The following CEP63 variants were observed in gnomAD, a reference collection of about 807,000 sequenced individuals.
CEP63 encodes the protein centrosomal protein of 63 kDa.
A neutral mutation model predicts 89.1 loss-of-function variants in CEP63; 84 were observed. The ratio of observed to expected loss-of-function variants is 0.94; its 90% confidence interval spans 0.79 to 1.13. The LOEUF is 1.13. CEP63 is among the 50% of genes most tolerant of loss of function. The pLI is 0.00. For missense variants in CEP63, 838 were observed against 813.3 expected (o/e 1.03, Z -0.37); for synonymous variants, 267 against 272.5 (o/e 0.98, Z 0.20).
chr3:134,561,550 C>G lies in CEP63; in HGVS notation c.*15C>G. On this transcript the variant is annotated 3_prime_UTR_variant, in exon 15 of 15. Transcript: ENST00000675561. Reference sequence around the variant, plus strand: ...CCTTAAAGTAGCCTCTTAAAAAAATCACTATCTTGGAAATAAAAATAAACA... The same window carrying G: ...CCTTAAAGTAGCCTCTTAAAAAAATGACTATCTTGGAAATAAAAATAAACA... 2 of 1,607,160 alleles carry G rather than the reference C, an allele frequency of 1.2e-6. No individual in the cohort carries two copies. The highest frequency in any genetic ancestry group is 1.7e-6 in the Non-Finnish European group (2 of 1,175,858).
At chr3:134,735,282 CT>C in the CEP63 span, among the ~76,000 whole-genome samples, 28 of 151,988 alleles carry the variant, frequency 1.8e-4, 1 homozygote, top group Admixed American at 1.4e-3. Flanking sequence ...TTTGTTCTCC[CT>C]TTTTTTTGGA....
intron 1 of CEP63, among the ~76,000 whole-genome samples, chr3:134,490,385 G>A (rs755927183): frequency 3.3e-5 from 5 of 151,866 alleles, no homozygotes; most frequent in Non-Finnish European, 5.9e-5. Flanking sequence ...CAAGTTAACA[G>A]GCTATTTTAT....
At position 134,584,956 on chromosome 3, in the gene CEP63, G is replaced by GTTTTTTTTT. The variant is rs780691730; in HGVS notation, c.1207-2492_1207-2484dup. 1.8e-3 allele frequency among the ~76,000 whole-genome samples: 63 copies of GTTTTTTTTT among 35,998 alleles called. 3 individuals carry two copies. The highest frequency in any genetic ancestry group is 5.1e-3 in the Admixed American group (13 of 2,572). The allele number at this position is 35,998 out of a possible 152,430, so 23.6% of individuals were successfully genotyped here. ...ATCCATTTCTTCTAGATTTTCTAGG[G>GTTTTTTTTT]TTTTTTTTTTTTTTTTTTGCATGGA... On this transcript the variant is annotated intron_variant, in intron 10 of 10. Transcript: ENST00000683931.
At chr3:134,491,971 G>C (rs1937647824) in intron 1 of CEP63, among the ~76,000 whole-genome samples, 1 of 151,534 alleles carries the variant, frequency 6.6e-6, no homozygotes, top group Admixed American at 6.6e-5. Context: ...TCTGTAAAAT[G>C]ATAAAGTTAA....
In CEP63 at chr3:134,557,376, G is replaced by GTTTTTTTTTTTTTTTTTT. The variant is rs199930556; in HGVS notation, c.1468-755_1468-738dup. 1.3e-4 allele frequency among the ~76,000 whole-genome samples: 13 copies of GTTTTTTTTTTTTTTTTTT among 101,498 alleles called. 2 individuals carry two copies. Among genetic ancestry groups the GTTTTTTTTTTTTTTTTTT allele is most frequent in the African/African-American group, 5.4e-4 (11 of 20,316 alleles). 66.6% of individuals were successfully genotyped at this position (101,498 alleles called of 152,430 possible). A position where few individuals can be genotyped will look rare whatever the true frequency, so the allele number is the denominator to read the frequency against. On this transcript the variant is annotated intron_variant, in intron 12 of 14. Transcript: ENST00000675561. ...CTTGACCAGCTTACTTTCATAATTT[G>GTTTTTTTTTTTTTTTTTT]TTTTTTTTTTTTTTTTTTTTTTTTT...
At chr3:134,621,934 T>G in the CEP63 span, among the ~76,000 whole-genome samples, 2 of 152,090 alleles carry the variant, frequency 1.3e-5, no homozygotes, top group Admixed American at 6.5e-5. Context: ...AAAGAAGATA[T>G]ACAAATGGCC....
chr3:134,695,167 G>A, the CEP63 span, among the ~76,000 whole-genome samples: 1 of 152,146 alleles, frequency 6.6e-6, no homozygotes, highest in Non-Finnish European at 1.5e-5. Context: ...TCTGTGCTGC[G>A]GGTGTCATTG....
chr3:134,620,780 G>A, the CEP63 span: 204 of 1,613,704 alleles, frequency 1.3e-4, no homozygotes, highest in African/African-American at 1.7e-3. Context: ...TCCAGATGGC[G>A]CGGACCCTTT....
the CEP63 span, chr3:134,628,136 C>A: frequency 5.4e-6 from 2 of 368,128 alleles, no homozygotes; most frequent in Non-Finnish European, 1.0e-5. Context: ...GGTGTTCCTG[C>A]CCTCTTTTGG....
At chr3:134,556,241 A>C (rs1956138607) in intron 12 of CEP63, among the ~76,000 whole-genome samples, 1 of 151,964 alleles carries the variant, frequency 6.6e-6, no homozygotes, top group South Asian at 2.1e-4. Context: ...AAAACACCAA[A>C]AGCAATGGCA....
At chr3:134,698,412 G>A in the CEP63 span, among the ~76,000 whole-genome samples, 1 of 152,208 alleles carries the variant, frequency 6.6e-6, no homozygotes, top group Non-Finnish European at 1.5e-5. Context: ...AGTGAAGGGG[G>A]GCGGGATGTG....
At chr3:134,638,741 C>T in the CEP63 span, among the ~76,000 whole-genome samples, 1 of 152,238 alleles carries the variant, frequency 6.6e-6, no homozygotes, top group African/African-American at 2.4e-5. Flanking sequence ...GTTTCTTCCA[C>T]CTGACAGCTG....
the CEP63 span, among the ~76,000 whole-genome samples, chr3:134,750,762 G>T: frequency 6.6e-6 from 1 of 152,150 alleles, no homozygotes; most frequent in Admixed American, 6.5e-5. Context: ...GAAGTGCTGG[G>T]CATTTCTGGG....
the CEP63 span, among the ~76,000 whole-genome samples, chr3:134,736,022 C>G: frequency 6.6e-6 from 1 of 152,002 alleles, no homozygotes; most frequent in African/African-American, 2.4e-5. Flanking sequence ...AAACAAAATA[C>G]TAGAAATCTG....
At chr3:134,663,705 CAGAGGGGCCAGGAAG>C in the CEP63 span, among the ~76,000 whole-genome samples, 89,999 of 152,064 alleles carry the variant, frequency 0.59, 28,105 homozygotes, top group East Asian at 0.88. Flanking sequence ...TGCGGGGCCC[CAGAGGGGCCAGGAAG>C]GAGGGATATG....
chr3:134,507,842 A>G (rs1943857806), intron 3 of CEP63, among the ~76,000 whole-genome samples: 1 of 152,262 alleles, frequency 6.6e-6, no homozygotes, highest in African/African-American at 2.4e-5. Flanking sequence ...AAGTTTAATA[A>G]TATTTGCTGG....
At chr3:134,512,528 A>G (rs936068867) in intron 3 of CEP63, among the ~76,000 whole-genome samples, 4 of 152,212 alleles carry the variant, frequency 2.6e-5, no homozygotes, top group Non-Finnish European at 5.9e-5. Flanking sequence ...GTCACAGTAA[A>G]TAAAAAGAAA....
chr3:134,548,868 C>T (rs1002419160), intron 9 of CEP63, among the ~76,000 whole-genome samples, 194 bp from the exon 10 acceptor site: 1 of 152,080 alleles, frequency 6.6e-6, no homozygotes, highest in African/African-American at 2.4e-5. Flanking sequence ...TTATTTTTGA[C>T]GTTGGGACAA....
the CEP63 span, among the ~76,000 whole-genome samples, chr3:134,650,268 C>T: frequency 6.6e-6 from 1 of 152,332 alleles, no homozygotes; most frequent in African/African-American, 2.4e-5. Context: ...CTTACCCTAT[C>T]CAAACCTGCG....
Sources: allele counts gnomAD v4.1 joint callset (sites outside exome capture counted in the v4.1 genomes callset), GRCh38; gene constraint gnomAD v4.1.1; transcripts MANE v1.5; gene names NCBI Gene and HGNC (gene_info 2026-07-23, HGNC 2026-07-21).